The following COL3A1 variants were observed in gnomAD, a reference collection of about 807,000 sequenced individuals.
COL3A1 encodes the protein collagen type III alpha 1 chain, also known as collagen alpha-1(III) chain.
Under a neutral mutation model 200.9 loss-of-function variants are expected in COL3A1, and 46 were observed. The ratio of observed to expected loss-of-function variants is 0.23; its 90% CI spans 0.18 to 0.29. COL3A1 has a LOEUF of 0.29. Among genes scored for constraint, COL3A1 ranks in the 10% least tolerant of loss-of-function variants. COL3A1 has a pLI of 1.00. For synonymous variants in COL3A1, 650 were observed against 628.0 expected (o/e 1.03, Z -0.52); for missense variants, 1,367 against 1,917.6 (o/e 0.71, Z 5.36).
intron 1 of COL3A1, among the ~76,000 whole-genome samples, chr2:188,982,960 C>CTA (rs77017032): frequency 0.24 from 37,131 of 151,574 alleles, 4,613 homozygotes; most frequent in Middle Eastern, 0.34. Flanking sequence ...ATAGACTCAC[C>CTA]TGTTATTACT....
rs750901812 is a variant in COL3A1, at chr2:189,006,997, T to G, written c.3255+7T>G. 2 of 1,610,996 alleles carry G rather than the reference T, an allele frequency of 1.2e-6. No homozygotes were observed. Among genetic ancestry groups the G allele is most frequent in the Non-Finnish European group, 1.7e-6 (2 of 1,179,190 alleles). On this transcript the variant is annotated splice_region_variant and intron_variant, in intron 44 of 50. Transcript: ENST00000304636. ...TGGTTCCCGAGGTGCTCCTGTAAGT[T>G]TTGTCATTTTTTGGTTTTATTTTGT...
chr2:188,991,783 A>C, intron 13 of COL3A1, 61 bp downstream of exon 13: 9 of 1,556,532 alleles, frequency 5.8e-6, no homozygotes, highest in Non-Finnish European at 8.0e-6. Flanking sequence ...TTACAGCCTC[A>C]GTAAAGTTTC....
At chr2:188,983,337 T>A (rs1196030696) in intron 1 of COL3A1, among the ~76,000 whole-genome samples, 2 of 151,968 alleles carry the variant, frequency 1.3e-5, no homozygotes, top group Non-Finnish European at 2.9e-5. Flanking sequence ...GTAGATCAAG[T>A]GTCTTGTACA....
At chr2:189,000,771 G>A (rs1334172524) in intron 32 of COL3A1, among the ~76,000 whole-genome samples, 1 of 152,104 alleles carries the variant, frequency 6.6e-6, no homozygotes, top group Admixed American at 6.5e-5. Flanking sequence ...ATATTCCTTT[G>A]CAGCATCCTA....
At chr2:188,983,926 A>C (rs1442993383) in intron 1 of COL3A1, among the ~76,000 whole-genome samples, 3 of 151,964 alleles carry the variant, frequency 2.0e-5, no homozygotes, top group South Asian at 2.1e-4. Flanking sequence ...TCCTAAGCTG[A>C]TTCATAGTTA....
At chr2:188,975,548 C>T (rs1687791079) in intron 1 of COL3A1, among the ~76,000 whole-genome samples, 1 of 152,080 alleles carries the variant, frequency 6.6e-6, no homozygotes, top group Non-Finnish European at 1.5e-5. Flanking sequence ...AATTATTAGA[C>T]AATTTTTATT....
At chr2:188,988,193 A>G (rs1429235009) in intron 6 of COL3A1, 59 bp downstream of exon 6, 1 of 1,409,196 alleles carries the variant, frequency 7.1e-7, no homozygotes, top group African/African-American at 1.4e-5. Flanking sequence ...AAATTAATAT[A>G]TATTCTGCTA....
In COL3A1 at chr2:188,992,227, C is replaced by G; in HGVS notation, c.995C>G (p.Pro332Arg). ...NDGARGSDGQ[P>R]GPPGPPGTAG... Reference sequence around the variant, plus strand: ...GGTGCTCGAGGCAGTGATGGTCAACCAGTAAGTAACTTTCTATCTCTTATG... The same window carrying G: ...GGTGCTCGAGGCAGTGATGGTCAACGAGTAAGTAACTTTCTATCTCTTATG... Residue 332 changes from proline (P) to arginine (R), a missense_variant and splice_region_variant, in exon 14 of 51, where the codon CCA becomes CGA. Pro to Arg is a moderately radical substitution (Grantham distance 103). Transcript: ENST00000304636. 6.2e-7 allele frequency: 1 copy of G among 1,613,622 alleles called. No individual in the cohort carries two copies. The highest frequency in any genetic ancestry group is 8.5e-7 in the Non-Finnish European group (1 of 1,179,780).
intron 27 of COL3A1, among the ~76,000 whole-genome samples, chr2:188,997,977 T>C (rs954286758): frequency 1.3e-5 from 2 of 152,224 alleles, no homozygotes; most frequent in Admixed American, 6.5e-5. Flanking sequence ...TCTATTTGGT[T>C]ACACTTATTT....
Position 189,009,052 on chromosome 2 carries a change from G to T in COL3A1, c.3654G>T (p.Pro1218=), listed in dbSNP as rs35759441. ...GTGAAAAAGCTGGCGGTTTTGCCCC[G>T]TATTATGGAGATGAACCAATGGATT... The part of the protein sequence containing the change: ...IGGEKAGGFA[P]YYGDEPMDFK... Residue 1218 remains proline, a synonymous_variant, in exon 48 of 51, where the codon CCG becomes CCT. Coordinates refer to ENST00000304636, the MANE Select transcript of COL3A1 (RefSeq NM_000090.4). 8.3e-4 allele frequency: 1,338 copies of T among 1,614,146 alleles called. 7 individuals carry two copies. The African/African-American group carries it at 0.016, about 19-fold the overall frequency.
In COL3A1 at chr2:188,999,492, C is replaced by T; in HGVS notation, c.2144C>T (p.Pro715Leu). The stretch of plus-strand genomic sequence containing the variant: ...CAGGGTGCTGCTGGTCCTCCTGGGC[C>T]ACCTGGTGCTGCTGGTACTCCTGGT... Reference protein sequence around the residue: ...GGKGAAGPPGPPGAAGTPGLQ... With the variant: ...GGKGAAGPPGLPGAAGTPGLQ... The change falls in exon 31 of 51, where the codon CCA (proline) becomes CTA (leucine). Residue 715 changes from proline (P) to leucine (L), a missense_variant. This residue lies in a region of COL3A1 where 846 missense variants were observed against 1,147.9 expected (regional missense o/e 0.74). Coordinates refer to ENST00000304636, the MANE Select transcript of COL3A1 (RefSeq NM_000090.4). 6.2e-7 allele frequency: 1 copy of T among 1,614,052 alleles called. No individual in the cohort carries two copies. The highest frequency in any genetic ancestry group is 1.1e-5 in the South Asian group (1 of 91,078).
chr2:188,999,476 G>C lies in COL3A1; in HGVS notation c.2128G>C (p.Ala710Pro), dbSNP rs1688405433. Residue 710 changes from alanine (A) to proline (P), a missense_variant, in exon 31 of 51, where the codon GCT becomes CCT. Physicochemically the swap from Ala to Pro is conservative, Grantham distance 27 (BLOSUM62 -1). Coordinates refer to ENST00000304636, the MANE Select transcript of COL3A1 (RefSeq NM_000090.4). ...PPGPEGGKGA[A>P]GPPGPPGAAG... Reference sequence around the variant, plus strand: ...ATTTCTCACTTATTTTCAGGGTGCTGCTGGTCCTCCTGGGCCACCTGGTGC... The same window carrying C: ...ATTTCTCACTTATTTTCAGGGTGCTCCTGGTCCTCCTGGGCCACCTGGTGC... 6.2e-7 allele frequency: 1 copy of C among 1,613,970 alleles called. No homozygotes were observed.
At chr2:189,007,141 T>TATATATA (rs1688609275) in intron 44 of COL3A1, 151 bp downstream of exon 44, 1 of 136,098 alleles carries the variant, frequency 7.3e-6, no homozygotes, top group Non-Finnish European at 1.3e-5. Flanking sequence ...ATATATATAT[T>TATATATA]TGTTCTATCT....
Position 188,994,040 on chromosome 2 carries a change from C to T in COL3A1, c.1152C>T (p.Gly384=), listed in dbSNP as rs1688243975. 1.9e-5 allele frequency: 31 copies of T among 1,613,770 alleles called. No individual in the cohort carries two copies. Among genetic ancestry groups the T allele is most frequent in the Non-Finnish European group, 2.6e-5 (31 of 1,179,758 alleles). The change falls in exon 17 of 51, where the codon GGC becomes GGT. Residue 384 remains glycine, a splice_region_variant and synonymous_variant. Coordinates refer to ENST00000304636, the MANE Select transcript of COL3A1 (RefSeq NM_000090.4). This position sits in a 1 kb window ranked among gnomAD's most constrained non-coding sequence, Gnocchi z 4.5. Reference sequence around the variant, plus strand: ...TTATCTGTTTTTTGTATACTTAGGGCCCTCCTGGGATTAATGGTAGTCCTG... The same window carrying T: ...TTATCTGTTTTTTGTATACTTAGGGTCCTCCTGGGATTAATGGTAGTCCTG... The part of the protein sequence containing the change: ...QGHAGAQGPP[G]PPGINGSPGG...
At chr2:188,986,126 T>G (rs1688060008) in intron 4 of COL3A1, among the ~76,000 whole-genome samples, 1 of 152,086 alleles carries the variant, frequency 6.6e-6, no homozygotes, top group Non-Finnish European at 1.5e-5. Flanking sequence ...CCATACTTTA[T>G]TCTCCTACTA....
intron 16 of COL3A1, 86 bp downstream of exon 16, chr2:188,993,545 G>GTTTCA: frequency 3.2e-5 from 37 of 1,164,924 alleles, no homozygotes; most frequent in Non-Finnish European, 4.3e-5. Context: ...ATGAAAGCAT[G>GTTTCA]TGCTTCAATA....
chr2:189,010,580 C>G, intron 49 of COL3A1, 68 bp from the exon 50 acceptor site: 2 of 1,595,984 alleles, frequency 1.3e-6, no homozygotes, highest in Non-Finnish European at 1.7e-6. Context: ...CATACACATA[C>G]TACATGAATC....
chr2:188,980,292 T>C (rs1687922482), intron 1 of COL3A1, among the ~76,000 whole-genome samples: 1 of 151,166 alleles, frequency 6.6e-6, no homozygotes, highest in African/African-American at 2.4e-5. Context: ...AATTATCTAA[T>C]TATTTTTATT....
Position 188,995,776 on chromosome 2 carries a change from G to A in COL3A1, c.1594G>A (p.Gly532Ser), listed in dbSNP as rs138166497. The A allele has an allele frequency of 3.8e-6, 6 of 1,561,414 alleles. No individual in the cohort carries two copies. The highest frequency in any genetic ancestry group is 5.2e-6 in the Non-Finnish European group (6 of 1,152,254). Residue 532 changes from glycine (G) to serine (S), a missense_variant, in exon 22 of 51, where the codon GGT (glycine) becomes AGT (serine). Around this residue, in one of 5 missense-constraint regions of COL3A1, gnomAD observed 462 missense variants for 681.4 expected, o/e 0.68. Coordinates refer to ENST00000304636, the MANE Select transcript of COL3A1 (RefSeq NM_000090.4). ...GEPGRDGVPG[G>S]PGMRGMPGSP... ...ACCTGGCAGAGATGGCGTCCCTGGAGGTCCAGGAATGAGGGTACAGAGAAA... is the reference window on the plus strand; with the variant it reads ...ACCTGGCAGAGATGGCGTCCCTGGAAGTCCAGGAATGAGGGTACAGAGAAA...
Sources: gnomAD v4.1 joint callset for allele counts (sites outside exome capture counted in the v4.1 genomes callset) on GRCh38, gnomAD v4.1.1 for gene constraint, gnomAD v4.1.1 regional missense constraint, Gnocchi (gnomAD v3.1) non-coding constraint, MANE v1.5 for transcripts, NCBI Gene and HGNC (gene_info 2026-07-23, HGNC 2026-07-21) for gene names.